The following OR10K2 variants were observed in gnomAD, a reference collection of about 807,000 sequenced individuals.
OR10K2 encodes olfactory receptor family 10 subfamily K member 2.
For synonymous variants in OR10K2, 169 were observed against 146.4 expected, an observed-to-expected ratio of 1.15 and a Z score of -1.11; for missense variants, 401 against 367.1, an observed-to-expected ratio of 1.09 and a Z score of -0.76.
At chr1:158,423,340 A>C (rs931221739) in intron 1 of OR10K2, among the ~76,000 whole-genome samples, 1 of 151,770 alleles carries the variant, frequency 6.6e-6, no homozygotes, top group African/African-American at 2.4e-5. Context: ...TACATGTAGA[A>C]TCTGAAATTT....
chr1:158,418,562 G>A lies in OR10K2; in HGVS notation c.*1366C>T, dbSNP rs1403008428. The A allele has an allele frequency of 6.6e-6, 1 of 152,062 alleles. No homozygotes were observed. The highest frequency in any genetic ancestry group is 2.4e-5 in the African/African-American group (1 of 41,402). The allele number at this position is 152,062 out of a possible 1,614,324, so 9.4% of individuals were successfully genotyped here. A position where few individuals can be genotyped will look rare whatever the true frequency, so the allele number is the denominator to read the frequency against. ...ATGCAATTGACTTACATTCTTGGCA[G>A]ATGTCCTACAATAAACAGGGCCTGT... On this transcript the variant is annotated 3_prime_UTR_variant, in exon 2 of 2. Transcript: ENST00000641042.
At position 158,420,620 on chromosome 1, in the gene OR10K2, C is replaced by T; in HGVS notation, c.247G>A (p.Val83Ile). The T allele has an allele frequency of 6.2e-7, 1 of 1,613,844 alleles. No individual in the cohort carries two copies. Among genetic ancestry groups the T allele is most frequent in the Non-Finnish European group, 8.5e-7 (1 of 1,179,896 alleles). ...YTFIIVPKML[V>I]DLLSQKKTIS... is the part of the protein sequence containing the mutation. ...GTCTTCTTCTGGGACAGCAGGTCAA[C>T]CAGCATCTTGGGTACAATGATGAAG... Residue 83 changes from valine to isoleucine, a missense_variant, in exon 2 of 2, where the codon GTT becomes ATT. Val to Ile is a conservative substitution (Grantham distance 29, BLOSUM62 3). Coordinates refer to ENST00000641042, the MANE Select transcript of OR10K2 (RefSeq NM_001004476.2).
At chr1:158,425,210 C>T (rs1655229529) in intron 1 of OR10K2, among the ~76,000 whole-genome samples, 1 of 151,948 alleles carries the variant, frequency 6.6e-6, no homozygotes, top group African/African-American at 2.4e-5. Flanking sequence ...AAGAGGTCTC[C>T]AGAAAGCCAG....
At chr1:158,421,739 T>C (rs1375139638) in intron 1 of OR10K2, among the ~76,000 whole-genome samples, 1 of 152,130 alleles carries the variant, frequency 6.6e-6, no homozygotes, top group African/African-American at 2.4e-5. Flanking sequence ...TAAATTGTAT[T>C]ATATTGCTTC....
intron 1 of OR10K2, among the ~76,000 whole-genome samples, chr1:158,422,534 T>G (rs16840139): frequency 0.022 from 3,312 of 152,168 alleles, 114 homozygotes; most frequent in African/African-American, 0.075. Flanking sequence ...TCCTAGTACA[T>G]TTGCTGCTCT....
In OR10K2 at chr1:158,419,986, T is replaced by C; in HGVS notation, c.881A>G (p.Asn294Ser). 6.2e-7 allele frequency: 1 copy of C among 1,613,170 alleles called. No individual in the cohort carries two copies. Among genetic ancestry groups the C allele is most frequent in the Non-Finnish European group, 8.5e-7 (1 of 1,179,448 alleles). Reference protein sequence around the residue: ...LFNPMIYSLRNKEFKSALCKI... With the variant: ...LFNPMIYSLRSKEFKSALCKI... ...ACAAAGAGCTGATTTGAACTCTTTA[T>C]TTCTCAAGCTATAAATCATTGGGTT... is the stretch of plus-strand genomic sequence containing the variant. Residue 294 changes from asparagine (N) to serine (S), a missense_variant, in exon 2 of 2, where the codon AAT (asparagine) becomes AGT (serine). By Grantham distance (46) the Asn-to-Ser change is conservative (BLOSUM62 1). Coordinates refer to ENST00000641042, the MANE Select transcript of OR10K2 (RefSeq NM_001004476.2).
rs922598702 is a variant in OR10K2, at chr1:158,419,394, C to T, written c.*534G>A. The T allele has an allele frequency of 6.6e-6, 1 of 151,320 alleles. No homozygotes were observed. The allele number at this position is 151,320 out of a possible 1,614,324, so 9.4% of individuals were successfully genotyped here. Reference sequence around the variant, plus strand: ...ACATACATATGCTTCCCCATAATAGCCATCTGTTATTTTTTAATCAATTGA... The same window carrying T: ...ACATACATATGCTTCCCCATAATAGTCATCTGTTATTTTTTAATCAATTGA... On this transcript the variant is annotated 3_prime_UTR_variant, in exon 2 of 2. Coordinates refer to ENST00000641042, the MANE Select transcript of OR10K2 (RefSeq NM_001004476.2).
At position 158,419,611 on chromosome 1, in the gene OR10K2, A is replaced by ATT. The variant is rs35350080; in HGVS notation, c.*315_*316dup. On this transcript the variant is annotated 3_prime_UTR_variant, in exon 2 of 2. Coordinates refer to ENST00000641042, the MANE Select transcript of OR10K2 (RefSeq NM_001004476.2). ...ACGGTTTGGAAAGAGCAGAATCAAGATTTTTTTTTTTTTTTTTTTTTGAGA... is the reference window on the plus strand; with the variant it reads ...ACGGTTTGGAAAGAGCAGAATCAAGATTTTTTTTTTTTTTTTTTTTTTTGAGA... 6,923 of 124,398 alleles carry ATT rather than the reference A, an allele frequency of 0.056. 413 individuals carry two copies. Among genetic ancestry groups the ATT allele is most frequent in the Non-Finnish European group, 0.079 (4,859 of 61,420 alleles). The allele number at this position is 124,398 out of a possible 1,614,324, so 7.7% of individuals were successfully genotyped here.
chr1:158,420,764 A>T lies in OR10K2; in HGVS notation c.103T>A (p.Tyr35Asn). 1 of 1,613,778 alleles carries T rather than the reference A, an allele frequency of 6.2e-7. No individual in the cohort carries two copies. Among genetic ancestry groups the T allele is most frequent in the South Asian group, 1.1e-5 (1 of 91,080 alleles). ...QLLFVIFLLL[Y>N]LFTLGTNAII... ...GCATTGGTGCCCAGAGTGAACAGGT[A>T]GAGGAGCAGGAAGATAACAAAGAGC... The change falls in exon 2 of 2, where the codon TAC becomes AAC. Residue 35 changes from tyrosine (Y) to asparagine (N), a missense_variant. Coordinates refer to ENST00000641042, the MANE Select transcript of OR10K2 (RefSeq NM_001004476.2).
intron 1 of OR10K2, among the ~76,000 whole-genome samples, chr1:158,423,661 G>A (rs1454481477): frequency 6.6e-6 from 1 of 151,910 alleles, no homozygotes. Context: ...CATCAGTGAG[G>A]CAATAAGCAT....
In OR10K2 at chr1:158,420,384, G is replaced by C. The variant is rs1247297844; in HGVS notation, c.483C>G (p.Ser161=). The C allele has an allele frequency of 6.2e-7, 1 of 1,613,766 alleles. No individual in the cohort carries two copies. Among genetic ancestry groups the C allele is most frequent in the African/African-American group, 1.3e-5 (1 of 74,918 alleles). The change falls in exon 2 of 2, where the codon TCC becomes TCG. Residue 161 remains serine, a synonymous_variant. Transcript: ENST00000641042. ...CGFTVAQIIT[S]LVFHLPFYSS... ...AATAAAAAGGCAGGTGAAATACCAA[G>C]GATGTGATGATCTGTGCAACAGTGA...
intron 1 of OR10K2, among the ~76,000 whole-genome samples, chr1:158,425,539 G>C (rs1655235797): frequency 6.6e-6 from 1 of 152,014 alleles, no homozygotes; most frequent in Non-Finnish European, 1.5e-5. Flanking sequence ...GGTTCCCAGA[G>C]GGCAGGGTTT....
chr1:158,422,918 TG>T (rs1170263919), intron 1 of OR10K2, among the ~76,000 whole-genome samples: 5 of 152,072 alleles, frequency 3.3e-5, no homozygotes, highest in Non-Finnish European at 7.4e-5. Context: ...AGACATATCT[TG>T]TATACATCCT....
Position 158,420,231 on chromosome 1 carries a change from C to T in OR10K2, c.636G>A (p.Leu212=). 6.2e-7 allele frequency: 1 copy of T among 1,613,698 alleles called. No homozygotes were observed. The highest frequency in any genetic ancestry group is 1.1e-5 in the South Asian group (1 of 91,074). ...TGTGAACATAGGACACCAAGATCAA[C>T]AATAAGGGGATAGCCAGGACCAATG... ...LCTLVLAIPL[L]LILVSYVHIL... is the part of the protein sequence containing the mutation. The change falls in exon 2 of 2, where the codon TTG becomes TTA. Residue 212 remains leucine (L), a synonymous_variant. Coordinates refer to ENST00000641042, the MANE Select transcript of OR10K2 (RefSeq NM_001004476.2).
rs1655101097 is a variant in OR10K2 at position 158,419,523 on chromosome 1, C to T, written c.*405G>A. ...ACGGGAAATGATCTATGTTCCTGAA[C>T]ATAATGCTCAATTGCTTGATCATTT... is the stretch of plus-strand genomic sequence containing the variant. On this transcript the variant is annotated 3_prime_UTR_variant, in exon 2 of 2. Transcript: ENST00000641042. 1 of 158,272 alleles carries T rather than the reference C, an allele frequency of 6.3e-6. No individual in the cohort carries two copies. The highest frequency in any genetic ancestry group is 1.4e-5 in the Non-Finnish European group (1 of 71,836). The allele number at this position is 158,272 out of a possible 1,614,324, so 9.8% of individuals were successfully genotyped here.
chr1:158,425,253 A>T (rs1393679261), intron 1 of OR10K2, among the ~76,000 whole-genome samples: 1 of 152,084 alleles, frequency 6.6e-6, no homozygotes, highest in Non-Finnish European at 1.5e-5. Flanking sequence ...GATCTTAAAG[A>T]TCTAGCTTAG....
At chr1:158,423,929 C>T (rs973435289) in intron 1 of OR10K2, among the ~76,000 whole-genome samples, 9 of 152,000 alleles carry the variant, frequency 5.9e-5, no homozygotes, top group Non-Finnish European at 1.3e-4. Flanking sequence ...CTGTTACTAT[C>T]TAAGCACTAT....
At chr1:158,425,277 C>G (rs1431389169) in intron 1 of OR10K2, among the ~76,000 whole-genome samples, 1 of 152,036 alleles carries the variant, frequency 6.6e-6, no homozygotes, top group Non-Finnish European at 1.5e-5. Flanking sequence ...TTTCATCAGA[C>G]AGATGAAGAA....
At position 158,418,682 on chromosome 1, in the gene OR10K2, G is replaced by A. The variant is rs1264610679; in HGVS notation, c.*1246C>T. ...TGGTGGAAGAAAAGGAAAAAACTTA[G>A]AAACAAAATTAATCAATCAGGAGAC... On this transcript the variant is annotated 3_prime_UTR_variant, in exon 2 of 2. Transcript: ENST00000641042. The A allele has an allele frequency of 5.9e-5, 9 of 152,212 alleles. No homozygotes were observed. The East Asian group carries it at 1.6e-3, about 26-fold the overall frequency. The allele number at this position is 152,212 out of a possible 1,614,324, so 9.4% of individuals were successfully genotyped here.
Sources: gnomAD v4.1 joint callset for allele counts (sites outside exome capture counted in the v4.1 genomes callset) on GRCh38, gnomAD v4.1.1 for gene constraint, MANE v1.5 for transcripts, NCBI Gene and HGNC (gene_info 2026-07-23, HGNC 2026-07-21) for gene names.